Variants in ARFGEF1 observed in about 807,000 individuals in gnomAD.
The protein encoded by ARFGEF1 is ARF guanine nucleotide exchange factor 1.
In ARFGEF1, 42 loss-of-function variants were observed where a neutral mutation model predicts 231.0. That is an observed-to-expected ratio of 0.18 (90% CI 0.14 to 0.24). The LOEUF (loss-of-function observed/expected upper bound fraction) is 0.24, where lower values mean the gene tolerates loss of function less well. Among genes scored for constraint, ARFGEF1 ranks in the 10% least tolerant of loss-of-function variants. The probability of loss-of-function intolerance (pLI) is 1.00; values close to 1 mark genes in which losing one functional copy is unlikely to be tolerated. For missense variants in ARFGEF1, 1,345 were observed against 2,192.0 expected (o/e 0.61, Z 7.72); for synonymous variants, 710 against 732.3 (o/e 0.97, Z 0.49).
At chr8:67,319,636 T>C (rs1265667555) in intron 1 of ARFGEF1, among the ~76,000 whole-genome samples, 2 of 152,164 alleles carry the variant, frequency 1.3e-5, no homozygotes, top group Non-Finnish European at 2.9e-5. Flanking sequence ...CTCTGTGAGT[T>C]TGGATTCGGC....
rs1228163654 is a variant in ARFGEF1 at position 67,218,207 on chromosome 8, A to AATATAT, written c.4339-75_4339-70dup. 4.1e-3 allele frequency: 371 copies of AATATAT among 91,312 alleles called. 6 individuals carry two copies. Among genetic ancestry groups the AATATAT allele is most frequent in the South Asian group, 9.6e-3 (27 of 2,806 alleles). The allele number at this position is 91,312 out of a possible 1,614,324, so 5.7% of individuals were successfully genotyped here. A position where few individuals can be genotyped will look rare whatever the true frequency, so the allele number is the denominator to read the frequency against. On this transcript the variant is annotated intron_variant, in intron 30 of 38. Transcript: ENST00000262215. ...TACTATGATTAAAAAAAAAAAAAAA[A>AATATAT]ATATATATATATATATATATATATA...
At chr8:67,323,671 CCT>C (rs1247601044) in intron 1 of ARFGEF1, among the ~76,000 whole-genome samples, 1 of 152,184 alleles carries the variant, frequency 6.6e-6, no homozygotes, top group Non-Finnish European at 1.5e-5. Context: ...TTTATGAAGT[CCT>C]GTTAATTTAC....
chr8:67,274,929 G>A (rs73693186), intron 9 of ARFGEF1, among the ~76,000 whole-genome samples: 2,393 of 152,126 alleles, frequency 0.016, 57 homozygotes, highest in African/African-American at 0.053. Context: ...CTGACTTAGG[G>A]TTTGGGTCTA....
At chr8:67,338,817 T>C (rs1808465280) in intron 1 of ARFGEF1, among the ~76,000 whole-genome samples, 1 of 152,248 alleles carries the variant, frequency 6.6e-6, no homozygotes, top group South Asian at 2.1e-4. Flanking sequence ...AAAGAAGGCT[T>C]AAACGGAGAT....
intron 1 of ARFGEF1, among the ~76,000 whole-genome samples, chr8:67,333,175 C>T (rs1193623877): frequency 6.6e-6 from 1 of 151,884 alleles, no homozygotes; most frequent in East Asian, 1.9e-4. Context: ...AGCTGGACTA[C>T]AGGCACGCAC....
At position 67,236,366 on chromosome 8, in the gene ARFGEF1, ATATATATATATATATATATATATAT is replaced by A. The variant is rs1428957408; in HGVS notation, c.3289+1952_3289+1976del. Among the ~76,000 whole-genome samples, 30 of 17,728 alleles carry A rather than the reference ATATATATATATATATATATATATAT, an allele frequency of 1.7e-3. 2 individuals are homozygous for A. The highest frequency in any genetic ancestry group is 7.4e-3 in the East Asian group (2 of 272). 11.6% of individuals were successfully genotyped at this position (17,728 alleles called of 152,430 possible). On this transcript the variant is annotated intron_variant, in intron 22 of 38. Coordinates refer to ENST00000262215, the MANE Select transcript of ARFGEF1 (RefSeq NM_006421.5). ...ATATTAGTTAAAAAAAAAAAAAAAA[ATATATATATATATATATATATATAT>A]ATATATATATATATATATATGTATC...
chr8:67,320,223 C>CA (rs544834392), intron 1 of ARFGEF1, among the ~76,000 whole-genome samples: 636 of 45,232 alleles, frequency 0.014, 35 homozygotes, highest in African/African-American at 0.032. Context: ...AACGCTATCT[C>CA]AAAAAAAAAA....
intron 25 of ARFGEF1, 145 bp downstream of exon 25, chr8:67,227,818 A>G: frequency 1.2e-6 from 1 of 850,982 alleles, no homozygotes; most frequent in Non-Finnish European, 1.7e-6. Context: ...TAAAAAGAAA[A>G]ACACCATTCA....
chr8:67,208,794 A>C (rs766022983), intron 34 of ARFGEF1, among the ~76,000 whole-genome samples: 2 of 152,236 alleles, frequency 1.3e-5, no homozygotes, highest in Non-Finnish European at 2.9e-5. Flanking sequence ...AAAGGACATG[A>C]ACACAAATTT....
intron 14 of ARFGEF1, 86 bp downstream of exon 14, chr8:67,265,920 T>C: frequency 8.3e-7 from 1 of 1,205,072 alleles, no homozygotes; most frequent in Non-Finnish European, 1.2e-6. Flanking sequence ...TTTTACTCAT[T>C]ATAAGGTGAT....
rs921112116 is a variant in ARFGEF1 at position 67,256,933 on chromosome 8, T to C, written c.2526+799A>G. The stretch of plus-strand genomic sequence containing the variant: ...ACTGAGATAAATGCAGATGAAATGG[T>C]ATGATATCTGAGATCTGCTTCAAAA... On this transcript the variant is annotated intron_variant, in intron 17 of 38. Coordinates refer to ENST00000262215, the MANE Select transcript of ARFGEF1 (RefSeq NM_006421.5). Among the ~76,000 whole-genome samples the C allele has an allele frequency of 2.6e-5, 4 of 152,326 alleles. No homozygotes were observed. In the South Asian group the frequency reaches 6.2e-4, roughly 24 times the overall value.
intron 34 of ARFGEF1, 113 bp downstream of exon 34, chr8:67,211,370 T>C: frequency 1.8e-6 from 1 of 548,222 alleles, no homozygotes; most frequent in Non-Finnish European, 2.6e-6. Flanking sequence ...AAAAAAGAAG[T>C]GATGACACAA....
Position 67,211,514 on chromosome 8 carries a change from A to C in ARFGEF1, c.4788T>G (p.Asn1596Lys), listed in dbSNP as rs192893582. 2 of 1,589,396 alleles carry C rather than the reference A, an allele frequency of 1.3e-6. No homozygotes were observed. Among genetic ancestry groups the C allele is most frequent in the East Asian group, 2.2e-5 (1 of 44,552 alleles). Residue 1596 changes from asparagine to lysine, a missense_variant, in exon 34 of 39, where the codon AAT becomes AAG. Asn to Lys is a moderately conservative substitution (Grantham distance 94, BLOSUM62 0). Around this residue, in one of 14 missense-constraint regions of ARFGEF1, gnomAD observed 89 missense variants for 74.8 expected, o/e 1.19. Transcript: ENST00000262215. ...TAGATTTAATTTTGCTGACTTCTTC[A>C]TTAACAGCAGACGCAGAAACCAGTG... ...QAPLVSASAV[N>K]EEVSKIKSTA...
intron 34 of ARFGEF1, among the ~76,000 whole-genome samples, chr8:67,206,694 G>A (rs1838534412): frequency 6.6e-6 from 1 of 152,154 alleles, no homozygotes; most frequent in South Asian, 2.1e-4. Context: ...AGATGCTGCT[G>A]CCACGCAGCC....
chr8:67,301,230 G>A lies in ARFGEF1; in HGVS notation c.306C>T (p.Cys102=), dbSNP rs765440737. The change falls in exon 3 of 39, where the codon TGC becomes TGT. Residue 102 remains cysteine, a synonymous_variant. Transcript: ENST00000262215. ...CPRIVSTSLD[C]LQKLIAYGHL... ...AGTGCCATTTTAGACATACCTGTAA[G>A]CAATCTAGAGATGTACTAACTATGC... The A allele has an allele frequency of 2.5e-6, 4 of 1,604,248 alleles. No homozygotes were observed. Among genetic ancestry groups the A allele is most frequent in the Admixed American group, 3.5e-5 (2 of 57,256 alleles).
intron 2 of ARFGEF1, among the ~76,000 whole-genome samples, chr8:67,301,833 A>G (rs1158102470): frequency 6.6e-6 from 1 of 152,230 alleles, no homozygotes; most frequent in Non-Finnish European, 1.5e-5. Flanking sequence ...AGTCTTTAAG[A>G]AAAGACTCTG....
chr8:67,289,288 G>A (rs1805896552), intron 6 of ARFGEF1, among the ~76,000 whole-genome samples: 1 of 151,834 alleles, frequency 6.6e-6, no homozygotes, highest in Admixed American at 6.6e-5. Context: ...CACAGGGGGG[G>A]TCACACCTGT....
chr8:67,185,978 G>T (rs1261733544), intron 5 of ARFGEF1, among the ~76,000 whole-genome samples: 1 of 152,176 alleles, frequency 6.6e-6, no homozygotes, highest in African/African-American at 2.4e-5. Flanking sequence ...AAAAATGCAA[G>T]CAAGTATAGG....
intron 15 of ARFGEF1, among the ~76,000 whole-genome samples, chr8:67,259,271 C>G (rs537052644): frequency 6.6e-6 from 1 of 152,202 alleles, no homozygotes; most frequent in Admixed American, 6.5e-5. Flanking sequence ...CTGTAGCCCA[C>G]GCTGGAGTGC....
Sources: gnomAD v4.1 joint callset for allele counts (sites outside exome capture counted in the v4.1 genomes callset) on GRCh38, gnomAD v4.1.1 for gene constraint, gnomAD v4.1.1 regional missense constraint, MANE v1.5 for transcripts, NCBI Gene and HGNC (gene_info 2026-07-23, HGNC 2026-07-21) for gene names.